SLC25A21: variants seen among roughly 807,000 people sequenced by gnomAD.
SLC25A21 encodes mitochondrial 2-oxodicarboxylate carrier.
A neutral mutation model predicts 43.8 loss-of-function variants in SLC25A21; 47 were observed. The observed-to-expected ratio is 1.07, with a 90% CI of 0.85 to 1.37. The LOEUF is 1.37. Ranked by LOEUF, SLC25A21 falls within the 40% of genes most tolerant of loss-of-function variation. The pLI, the probability that SLC25A21 is intolerant of heterozygous loss-of-function variation, is 0.00. For synonymous variants in SLC25A21, 131 were observed against 121.3 expected, an observed-to-expected ratio of 1.08 and a Z score of -0.52; for missense variants, 352 against 350.2, an observed-to-expected ratio of 1.00 and a Z score of -0.04.
rs573321180 is a variant in SLC25A21, at chr14:37,059,154, T to C, written c.70+113127A>G. ...CACAAGTGCCTTCCACAAGAAGAAA[T>C]TCAAATAACAGTAATAGTCCACATT... On this transcript the variant is annotated intron_variant, in intron 1 of 9. Coordinates refer to ENST00000331299, the MANE Select transcript of SLC25A21 (RefSeq NM_030631.4). Among the ~76,000 whole-genome samples, 15 of 152,318 alleles carry C rather than the reference T, an allele frequency of 9.8e-5. No homozygotes were observed. In the South Asian group the frequency reaches 3.1e-3, roughly 32 times the overall value.
chr14:36,758,590 C>CAAAAAA (rs11314165), intron 3 of SLC25A21, among the ~76,000 whole-genome samples: 1 of 127,702 alleles, frequency 7.8e-6, no homozygotes, highest in Non-Finnish European at 1.6e-5. Context: ...TCAGCCAGGT[C>CAAAAAA]AAAAAAAAAA....
chr14:36,865,422 G>A (rs1253257901), intron 2 of SLC25A21, among the ~76,000 whole-genome samples: 5 of 152,094 alleles, frequency 3.3e-5, no homozygotes, highest in Admixed American at 3.3e-4. Flanking sequence ...CAGTAGGACA[G>A]AATGTGTTGT....
chr14:37,046,294 T>C (rs1263822654), intron 1 of SLC25A21, among the ~76,000 whole-genome samples: 1 of 152,112 alleles, frequency 6.6e-6, no homozygotes, highest in African/African-American at 2.4e-5. Context: ...GATCTCTTAA[T>C]TGCCTACCTA....
At chr14:37,003,426 T>C (rs73256266) in intron 1 of SLC25A21, among the ~76,000 whole-genome samples, 18,733 of 152,156 alleles carry the variant, frequency 0.12, 3,850 homozygotes, top group African/African-American at 0.43. Context: ...CAGTTGACCA[T>C]GGAAAACTAA....
At chr14:36,771,332 T>C (rs1886611048) in intron 3 of SLC25A21, among the ~76,000 whole-genome samples, 1 of 151,954 alleles carries the variant, frequency 6.6e-6, no homozygotes, top group South Asian at 2.1e-4. Flanking sequence ...ATTTTTGCAA[T>C]TGTCATTTTT....
intron 2 of SLC25A21, among the ~76,000 whole-genome samples, chr14:36,860,039 A>G (rs1199482510): frequency 6.6e-6 from 1 of 152,090 alleles, no homozygotes; most frequent in Non-Finnish European, 1.5e-5. Context: ...TAGGAAGCCT[A>G]CACTCCAATG....
chr14:36,851,535 A>C (rs1889735403), intron 2 of SLC25A21, among the ~76,000 whole-genome samples: 1 of 152,220 alleles, frequency 6.6e-6, no homozygotes, highest in African/African-American at 2.4e-5. Flanking sequence ...ATTTTTATGA[A>C]TAACATAATA....
rs570707248 is a variant in SLC25A21 at position 36,680,070 on chromosome 14, TAAAA to T, written c.*584_*587del. ...ATAGAGCTGATATGTGCATAGTTAC[TAAAA>T]AAAACCAACAGATTTACATTTTAAC... is the stretch of plus-strand genomic sequence containing the variant. On this transcript the variant is annotated 3_prime_UTR_variant, in exon 10 of 10. Transcript: ENST00000331299. The T allele has an allele frequency of 1.1e-6, 1 of 869,952 alleles. No individual in the cohort carries two copies. Among genetic ancestry groups the T allele is most frequent in the Non-Finnish European group, 1.4e-6 (1 of 725,884 alleles). 53.9% of individuals were successfully genotyped at this position (869,952 alleles called of 1,614,324 possible). A position where few individuals can be genotyped will look rare whatever the true frequency, so the allele number is the denominator to read the frequency against.
chr14:37,014,269 G>C (rs999989319), intron 1 of SLC25A21, among the ~76,000 whole-genome samples: 2 of 152,064 alleles, frequency 1.3e-5, no homozygotes, highest in Non-Finnish European at 2.9e-5. Context: ...ATTTTCCCCA[G>C]AGTAGAACTT....
intron 1 of SLC25A21, among the ~76,000 whole-genome samples, chr14:36,976,136 A>G (rs1400039481): frequency 6.6e-6 from 1 of 152,194 alleles, no homozygotes; most frequent in African/African-American, 2.4e-5. Context: ...TTGAAAAATA[A>G]TCATGAAATA....
At chr14:37,017,775 T>C (rs1225982262) in intron 1 of SLC25A21, among the ~76,000 whole-genome samples, 1 of 151,928 alleles carries the variant, frequency 6.6e-6, no homozygotes, top group Non-Finnish European at 1.5e-5. Flanking sequence ...GAATGGCCAA[T>C]GAACAAATGA....
At position 37,093,878 on chromosome 14, in the gene SLC25A21, C is replaced by T. The variant is rs142344731; in HGVS notation, c.70+78403G>A. Among the ~76,000 whole-genome samples the T allele has an allele frequency of 3.3e-5, 5 of 152,282 alleles. No homozygotes were observed. The East Asian group carries it at 9.6e-4, about 29-fold the overall frequency. On this transcript the variant is annotated intron_variant, in intron 1 of 9. Transcript: ENST00000331299. ...ACTTAAAGAGAGATCTGGCCATTTG[C>T]TAACCATTTAAAATAACTCTAAGGT...
At chr14:36,763,928 G>C (rs10134535) in intron 3 of SLC25A21, among the ~76,000 whole-genome samples, 23,746 of 149,758 alleles carry the variant, frequency 0.16, 2,127 homozygotes, top group Middle Eastern at 0.25. Flanking sequence ...ACTTGGGAGG[G>C]TGAGGCAGGA....
intron 1 of SLC25A21, among the ~76,000 whole-genome samples, chr14:36,928,257 C>T (rs908492442): frequency 6.6e-6 from 1 of 152,068 alleles, no homozygotes; most frequent in African/African-American, 2.4e-5. Flanking sequence ...AATCAGCACA[C>T]AAGAAAAATA....
intron 2 of SLC25A21, among the ~76,000 whole-genome samples, chr14:36,844,496 A>G (rs992515559): frequency 4.6e-5 from 7 of 151,958 alleles, no homozygotes; most frequent in African/African-American, 1.7e-4. Context: ...ATGAGGAAGG[A>G]AAAAAAGACA....
chr14:36,998,431 G>C (rs1960418542), intron 1 of SLC25A21, among the ~76,000 whole-genome samples: 2 of 152,106 alleles, frequency 1.3e-5, no homozygotes, highest in South Asian at 4.1e-4. Flanking sequence ...TGAATCATGA[G>C]GAATCATGAC....
chr14:36,975,889 A>G (rs1040437717), intron 1 of SLC25A21, among the ~76,000 whole-genome samples: 1 of 152,232 alleles, frequency 6.6e-6, no homozygotes, highest in Non-Finnish European at 1.5e-5. Context: ...ACAGGAAGAA[A>G]CAAACTAAAA....
intron 1 of SLC25A21, among the ~76,000 whole-genome samples, chr14:36,999,413 A>G (rs573876041): frequency 1.9e-4 from 29 of 152,148 alleles, no homozygotes; most frequent in Non-Finnish European, 3.5e-4. Context: ...CAGTGATTTT[A>G]GGGCAGTGAA....
chr14:36,955,934 TA>T (rs1242014800), intron 1 of SLC25A21, among the ~76,000 whole-genome samples: 2 of 152,152 alleles, frequency 1.3e-5, no homozygotes, highest in Admixed American at 6.5e-5. Flanking sequence ...GTACCAGATA[TA>T]AACAAAACAT....
Sources: allele counts gnomAD v4.1 joint callset (sites outside exome capture counted in the v4.1 genomes callset), GRCh38; gene constraint gnomAD v4.1.1; transcripts MANE v1.5; gene names NCBI Gene and HGNC (gene_info 2026-07-23, HGNC 2026-07-21).